Variants in SGCD observed in about 807,000 individuals in gnomAD.
The protein encoded by SGCD is delta-sarcoglycan.
In SGCD, 18 loss-of-function variants were observed where a neutral mutation model predicts 36.6. That is an observed-to-expected ratio of 0.49 (90% CI 0.34 to 0.73). SGCD has a LOEUF of 0.73. Among genes scored for constraint, SGCD ranks in the 30% least tolerant of loss-of-function variants. The pLI is 0.01. For synonymous variants in SGCD, 133 were observed against 130.6 expected, an observed-to-expected ratio of 1.02 and a Z score of -0.12; for missense variants, 387 against 346.7, an observed-to-expected ratio of 1.12 and a Z score of -0.92.
chr5:155,939,819 T>G (rs973734234), intron 1 of SGCD, among the ~76,000 whole-genome samples: 4 of 151,024 alleles, frequency 2.6e-5, no homozygotes, highest in Non-Finnish European at 5.9e-5. Context: ...TCTCCAAGTC[T>G]GCTCATATCC....
At chr5:155,881,090 G>A (rs898401549) in intron 1 of SGCD, among the ~76,000 whole-genome samples, 2 of 152,024 alleles carry the variant, frequency 1.3e-5, no homozygotes, top group Non-Finnish European at 2.9e-5. Flanking sequence ...AGGTCACTGA[G>A]GCTCAGGGAA....
At chr5:156,048,521 G>C (rs1256271699) in intron 1 of SGCD, among the ~76,000 whole-genome samples, 1 of 152,158 alleles carries the variant, frequency 6.6e-6, no homozygotes, top group Non-Finnish European at 1.5e-5. Flanking sequence ...CATTCTAACT[G>C]GTGGGAGATG....
Position 156,223,868 on chromosome 5 carries a change from G to A in SGCD, c.-44+99849G>A, listed in dbSNP as rs535152984. Among the ~76,000 whole-genome samples, 5 of 152,096 alleles carry A rather than the reference G, an allele frequency of 3.3e-5. No individual in the cohort carries two copies. In the East Asian group the frequency reaches 5.8e-4, roughly 18 times the overall value. On this transcript the variant is annotated intron_variant, in intron 3 of 9. Transcript: ENST00000517913. ...CCATGAATGAAACAGTAATCACAAC[G>A]GAGTGTGTTTTTCTAAGTAAATGAA...
chr5:156,413,557 G>A (rs1470728346), intron 3 of SGCD, among the ~76,000 whole-genome samples: 3 of 152,154 alleles, frequency 2.0e-5, no homozygotes, highest in African/African-American at 7.2e-5. Context: ...GCTCACTGCA[G>A]CCTCAATGTC....
chr5:156,421,747 G>T (rs146499430), intron 3 of SGCD, among the ~76,000 whole-genome samples: 6 of 152,132 alleles, frequency 3.9e-5, no homozygotes, highest in African/African-American at 1.4e-4. Flanking sequence ...GGAAATCACA[G>T]ATGCTACTGA....
At chr5:156,713,811 T>G (rs1180394705) in intron 7 of SGCD, among the ~76,000 whole-genome samples, 1 of 152,162 alleles carries the variant, frequency 6.6e-6, no homozygotes, top group Non-Finnish European at 1.5e-5. Context: ...TTAGCCAACT[T>G]CTAGTATTTT....
intron 1 of SGCD, among the ~76,000 whole-genome samples, chr5:155,958,282 G>A (rs1334964810): frequency 6.6e-6 from 1 of 152,008 alleles, no homozygotes; most frequent in Non-Finnish European, 1.5e-5. Context: ...TGTGGTTTAG[G>A]TATATGAACT....
intron 1 of SGCD, among the ~76,000 whole-genome samples, chr5:155,974,495 C>G (rs1267277787): frequency 2.0e-5 from 3 of 151,896 alleles, no homozygotes; most frequent in Non-Finnish European, 4.4e-5. Flanking sequence ...TCACAATCCA[C>G]AGGGTATCCA....
chr5:156,519,357 C>A (rs1452808664), intron 4 of SGCD, among the ~76,000 whole-genome samples: 1 of 145,854 alleles, frequency 6.9e-6, no homozygotes, highest in Non-Finnish European at 1.5e-5. Flanking sequence ...AACAAAAAAA[C>A]AAACAAACAA....
chr5:156,233,993 A>C (rs1765090292), intron 3 of SGCD, among the ~76,000 whole-genome samples: 1 of 152,190 alleles, frequency 6.6e-6, no homozygotes, highest in Non-Finnish European at 1.5e-5. Context: ...GTGACTTACT[A>C]TTTTACATTC....
chr5:156,227,200 A>G (rs1764882556), intron 3 of SGCD, among the ~76,000 whole-genome samples: 1 of 152,242 alleles, frequency 6.6e-6, no homozygotes, highest in South Asian at 2.1e-4. Context: ...GGTTTTTCCA[A>G]TGCTATCTTC....
chr5:156,283,575 C>T (rs1428266018), intron 3 of SGCD, among the ~76,000 whole-genome samples: 1 of 152,114 alleles, frequency 6.6e-6, no homozygotes, highest in African/African-American at 2.4e-5. Flanking sequence ...TCTGCATTGT[C>T]TATTAGGGAG....
chr5:156,298,394 G>C (rs182499544), intron 3 of SGCD, among the ~76,000 whole-genome samples: 46 of 151,980 alleles, frequency 3.0e-4, no homozygotes, highest in Non-Finnish European at 1.5e-5. Flanking sequence ...GTGTACAAGG[G>C]TTCCATTTTC....
the SGCD span, among the ~76,000 whole-genome samples, chr5:155,782,562 G>A: frequency 6.6e-6 from 1 of 152,152 alleles, no homozygotes; most frequent in Admixed American, 6.5e-5. Context: ...TATATGGTAA[G>A]AGTTCTTATA....
chr5:155,823,306 A>G, the SGCD span, among the ~76,000 whole-genome samples: 2 of 32,004 alleles, frequency 6.2e-5, no homozygotes, highest in African/African-American at 8.0e-4. Flanking sequence ...GTGAAGCAGA[A>G]AAAAAAAAAA....
In SGCD at chr5:156,118,151, G is replaced by A. The variant is rs558157560; in HGVS notation, c.-208+200G>A. On this transcript the variant is annotated intron_variant, in intron 2 of 9. Transcript: ENST00000517913. Reference sequence around the variant, plus strand: ...GTGAAGTCAGCCATTGCCTGGTTTCGAGACAGCACAGAGGGCCCACTGTCT... The same window carrying A: ...GTGAAGTCAGCCATTGCCTGGTTTCAAGACAGCACAGAGGGCCCACTGTCT... Among the ~76,000 whole-genome samples, 262 of 152,116 alleles carry A rather than the reference G, an allele frequency of 1.7e-3. 1 individual carries two copies. Among genetic ancestry groups the A allele is most frequent in the African/African-American group, 5.9e-3 (243 of 41,508 alleles).
chr5:156,029,841 A>G (rs928929000), intron 1 of SGCD, among the ~76,000 whole-genome samples: 1 of 152,076 alleles, frequency 6.6e-6, no homozygotes, highest in African/African-American at 2.4e-5. Flanking sequence ...TGTATTGACA[A>G]TATTTCGTTC....
At chr5:155,772,223 G>A in the SGCD span, among the ~76,000 whole-genome samples, 4 of 152,274 alleles carry the variant, frequency 2.6e-5, no homozygotes, top group South Asian at 8.3e-4. Context: ...TATAAGGAGG[G>A]CGCTGTTTCT....
chr5:156,047,222 A>G (rs1429944825), intron 1 of SGCD, among the ~76,000 whole-genome samples: 1 of 152,200 alleles, frequency 6.6e-6, no homozygotes, highest in Non-Finnish European at 1.5e-5. Flanking sequence ...ACTCCATCAC[A>G]TAAGAGTGCA....
Sources: allele counts gnomAD v4.1 joint callset (sites outside exome capture counted in the v4.1 genomes callset), GRCh38; gene constraint gnomAD v4.1.1; transcripts MANE v1.5; gene names NCBI Gene and HGNC (gene_info 2026-07-23, HGNC 2026-07-21).